DCTN4: variants seen among roughly 807,000 people sequenced by gnomAD.
The protein encoded by DCTN4 is dynactin subunit 4.
Under a neutral mutation model 62.7 loss-of-function variants are expected in DCTN4, and 23 were observed. The observed-to-expected ratio is 0.37, with a 90% CI of 0.26 to 0.52. The LOEUF (loss-of-function observed/expected upper bound fraction) is 0.52, where lower values mean the gene tolerates loss of function less well. Among genes scored for constraint, DCTN4 ranks in the 20% least tolerant of loss-of-function variants. DCTN4 has a pLI of 0.92. For synonymous variants in DCTN4, 199 were observed against 202.1 expected (o/e 0.98, Z 0.13); for missense variants, 514 against 580.4 (o/e 0.89, Z 1.18).
intron 3 of DCTN4, among the ~76,000 whole-genome samples, chr5:150,745,301 G>T (rs1760920103): frequency 2.0e-5 from 3 of 150,854 alleles, no homozygotes; most frequent in Admixed American, 2.0e-4. Flanking sequence ...CAAGTCCTGA[G>T]TGACCTACAA....
intron 4 of DCTN4, among the ~76,000 whole-genome samples, chr5:150,740,257 C>T (rs1760721447): frequency 6.6e-6 from 1 of 151,890 alleles, no homozygotes; most frequent in South Asian, 2.1e-4. Flanking sequence ...AAAAAGTAGG[C>T]AGAGGACATG....
At chr5:150,727,519 G>A (rs947521833) in intron 8 of DCTN4, among the ~76,000 whole-genome samples, 1 of 152,108 alleles carries the variant, frequency 6.6e-6, no homozygotes, top group Admixed American at 6.5e-5. Context: ...GCTCACGCCT[G>A]TAATCCCAGC....
chr5:150,756,628 T>G, intron 1 of DCTN4, 141 bp from the exon 2 acceptor site: 1 of 380,184 alleles, frequency 2.6e-6, no homozygotes, highest in Non-Finnish European at 4.4e-6. Flanking sequence ...TTTATTCTTC[T>G]TCAGTCACCT....
intron 12 of DCTN4, among the ~76,000 whole-genome samples, chr5:150,713,808 G>A (rs1223864674): frequency 6.6e-6 from 1 of 151,246 alleles, no homozygotes; most frequent in African/African-American, 2.4e-5. Flanking sequence ...GAAAGCTTTT[G>A]ATCATTCTGT....
At chr5:150,743,666 C>T (rs974992040) in intron 3 of DCTN4, among the ~76,000 whole-genome samples, 1 of 152,306 alleles carries the variant, frequency 6.6e-6, no homozygotes, top group African/African-American at 2.4e-5. Context: ...TCTGCAGACA[C>T]CACTGCTGAT....
chr5:150,717,752 G>A (rs1759818862), intron 11 of DCTN4, among the ~76,000 whole-genome samples: 1 of 152,212 alleles, frequency 6.6e-6, no homozygotes, highest in South Asian at 2.1e-4. Flanking sequence ...TAAGTAAAAT[G>A]AATAGCATAC....
At chr5:150,731,009 G>T (rs1760341473) in intron 7 of DCTN4, 35 bp downstream of exon 7, 1 of 1,261,564 alleles carries the variant, frequency 7.9e-7, no homozygotes, top group Non-Finnish European at 1.2e-6. Flanking sequence ...ATTAGATGTA[G>T]ACTAGAAACA....
intron 1 of DCTN4, chr5:150,758,270 T>C: frequency 3.0e-6 from 3 of 985,610 alleles, no homozygotes; most frequent in Non-Finnish European, 3.6e-6. Context: ...GACAGCATTG[T>C]CCTCTAGCTC....
intron 8 of DCTN4, among the ~76,000 whole-genome samples, chr5:150,725,223 A>T (rs2113023918): frequency 6.6e-6 from 1 of 151,384 alleles, no homozygotes; most frequent in South Asian, 2.1e-4. Context: ...TATAGTACTC[A>T]TTCTGCGGAT....
intron 1 of DCTN4, chr5:150,758,642 G>T: frequency 8.1e-7 from 1 of 1,235,636 alleles, no homozygotes; most frequent in Non-Finnish European, 1.1e-6. Context: ...ATCAGAGGCC[G>T]CTCTAGAACC....
intron 3 of DCTN4, among the ~76,000 whole-genome samples, chr5:150,746,428 A>T (rs376791415): frequency 1.3e-5 from 2 of 152,124 alleles, no homozygotes; most frequent in Admixed American, 6.5e-5. Context: ...ATCCTCCCTA[A>T]CTCATTTTAT....
At chr5:150,715,438 A>T in intron 12 of DCTN4, 127 bp downstream of exon 12, 1 of 695,244 alleles carries the variant, frequency 1.4e-6, no homozygotes, top group Non-Finnish European at 2.4e-6. Flanking sequence ...CCAATTTTCT[A>T]CAATAATTAT....
chr5:150,743,578 G>A (rs1018293384), intron 3 of DCTN4, among the ~76,000 whole-genome samples: 10 of 152,106 alleles, frequency 6.6e-5, no homozygotes, highest in South Asian at 2.1e-4. Flanking sequence ...CACCTCACAC[G>A]GCCGGGTACT....
intron 8 of DCTN4, among the ~76,000 whole-genome samples, chr5:150,728,303 CTTTAT>C (rs1304266204): frequency 1.3e-5 from 2 of 152,132 alleles, no homozygotes; most frequent in African/African-American, 2.4e-5. Flanking sequence ...TTCAGACTTA[CTTTAT>C]AATAATCCAG....
intron 3 of DCTN4, among the ~76,000 whole-genome samples, chr5:150,750,246 C>T (rs551519589): frequency 4.3e-4 from 65 of 151,920 alleles, no homozygotes; most frequent in African/African-American, 1.6e-3. Context: ...GTAAAGCTAG[C>T]CAAATAAAGG....
chr5:150,737,084 G>A (rs1227062422), intron 4 of DCTN4, among the ~76,000 whole-genome samples: 1 of 152,032 alleles, frequency 6.6e-6, no homozygotes, highest in Non-Finnish European at 1.5e-5. Context: ...AAATATATAT[G>A]CACCTAACAC....
At chr5:150,727,830 T>TTG (rs1472492858) in intron 8 of DCTN4, among the ~76,000 whole-genome samples, 1 of 151,570 alleles carries the variant, frequency 6.6e-6, no homozygotes, top group South Asian at 2.1e-4. Context: ...GATGATTTTT[T>TTG]TGTAATTGGA....
chr5:150,731,560 T>C (rs1760371490), intron 5 of DCTN4, 71 bp from the exon 6 acceptor site: 1 of 1,275,126 alleles, frequency 7.8e-7, no homozygotes, highest in African/African-American at 1.5e-5. Flanking sequence ...AGAAAGAATT[T>C]TGGGTAGGAT....
intron 1 of DCTN4, 133 bp downstream of exon 1, chr5:150,758,726 G>A: frequency 7.1e-7 from 1 of 1,405,132 alleles, no homozygotes; most frequent in Non-Finnish European, 9.6e-7. Flanking sequence ...TTAAATCGCA[G>A]GCAAACCCGA....
Sources: gnomAD v4.1 joint callset for allele counts (sites outside exome capture counted in the v4.1 genomes callset) on GRCh38, gnomAD v4.1.1 for gene constraint, MANE v1.5 for transcripts, NCBI Gene and HGNC (gene_info 2026-07-23, HGNC 2026-07-21) for gene names.